The following SOX5 variants were observed in gnomAD, a reference collection of about 807,000 sequenced individuals.
SOX5 encodes the protein transcription factor SOX-5.
Under a neutral mutation model 92.0 loss-of-function variants are expected in SOX5, and 9 were observed. The observed-to-expected ratio is 0.10, with a 90% CI of 0.06 to 0.17. SOX5 has a LOEUF of 0.17. Ranked by LOEUF, SOX5 falls within the 10% of genes least tolerant of loss-of-function variation. The pLI is 1.00. For missense variants in SOX5, 642 were observed against 944.5 expected (o/e 0.68, Z 4.20); for synonymous variants, 344 against 336.3 (o/e 1.02, Z -0.25).
chr12:24,524,170 C>A (rs1180543290), intron 1 of SOX5, among the ~76,000 whole-genome samples: 2 of 152,166 alleles, frequency 1.3e-5, no homozygotes, highest in Non-Finnish European at 2.9e-5. Context: ...GATTCTCAGG[C>A]CTTTGGCCTC....
upstream of SOX5, among the ~76,000 whole-genome samples, chr12:23,950,482 A>G (rs1177977212): frequency 6.6e-6 from 1 of 152,228 alleles, no homozygotes; most frequent in Non-Finnish European, 1.5e-5. Flanking sequence ...TCTAAACTCC[A>G]TAAAACACGA....
At chr12:23,771,063 T>C (rs1247849422) in intron 3 of SOX5, among the ~76,000 whole-genome samples, 1 of 151,934 alleles carries the variant, frequency 6.6e-6, no homozygotes, top group South Asian at 2.1e-4. Context: ...TGAATCAGAT[T>C]ATTATAAATT....
At chr12:23,769,852 T>A (rs146142049) in intron 3 of SOX5, among the ~76,000 whole-genome samples, 42 of 152,260 alleles carry the variant, frequency 2.8e-4, no homozygotes, top group African/African-American at 1.0e-3. Context: ...CTCCATACAA[T>A]ATTTTATTAA....
intron 3 of SOX5, among the ~76,000 whole-genome samples, chr12:23,807,985 A>C (rs2095811425): frequency 1.3e-5 from 2 of 152,076 alleles, no homozygotes. Context: ...AGTTTGTCAT[A>C]CTTTGTTAGA....
At chr12:23,537,528 C>T (rs577462274) in intron 13 of SOX5, among the ~76,000 whole-genome samples, 5 of 152,278 alleles carry the variant, frequency 3.3e-5, no homozygotes, top group Admixed American at 1.3e-4. Context: ...ATGCGTATTA[C>T]GATTTTCTCT....
At chr12:23,878,123 C>T (rs1210603020) in intron 2 of SOX5, among the ~76,000 whole-genome samples, 1 of 151,958 alleles carries the variant, frequency 6.6e-6, no homozygotes, top group Non-Finnish European at 1.5e-5. Flanking sequence ...ACTCTTCACG[C>T]TGTTATTTTT....
intron 7 of SOX5, among the ~76,000 whole-genome samples, chr12:23,649,818 CA>C (rs2081327485): frequency 6.6e-6 from 1 of 152,032 alleles, no homozygotes; most frequent in Non-Finnish European, 1.5e-5. Context: ...CTGTATAACA[CA>C]GCCTAAGAAA....
chr12:23,730,672 A>G (rs1406195735), intron 6 of SOX5, among the ~76,000 whole-genome samples: 6 of 152,332 alleles, frequency 3.9e-5, no homozygotes, highest in African/African-American at 1.4e-4. Context: ...TTTTTAAAGA[A>G]ATAAAAATAG....
chr12:24,001,891 G>A (rs1280743896), intron 4 of SOX5, among the ~76,000 whole-genome samples: 1 of 152,172 alleles, frequency 6.6e-6, no homozygotes, highest in African/African-American at 2.4e-5. Flanking sequence ...TGGAGCCCAT[G>A]AGTTCAAAGT....
intron 1 of SOX5, among the ~76,000 whole-genome samples, chr12:23,932,554 T>G (rs1046451336): frequency 6.6e-6 from 1 of 151,672 alleles, no homozygotes; most frequent in Non-Finnish European, 1.5e-5. Context: ...TTAACTTACT[T>G]TCAAGTGAAT....
intron 4 of SOX5, among the ~76,000 whole-genome samples, chr12:24,070,794 C>T (rs1941651378): frequency 6.6e-6 from 1 of 152,046 alleles, no homozygotes; most frequent in Non-Finnish European, 1.5e-5. Context: ...CCTGCATATC[C>T]GTTTATGTAA....
At chr12:24,129,807 A>G (rs898369419) in intron 4 of SOX5, among the ~76,000 whole-genome samples, 1 of 152,218 alleles carries the variant, frequency 6.6e-6, no homozygotes, top group African/African-American at 2.4e-5. Flanking sequence ...ATATTGGGAG[A>G]AAGTTTTGAA....
intron 1 of SOX5, among the ~76,000 whole-genome samples, chr12:24,434,098 A>G (rs573742736): frequency 2.0e-5 from 3 of 152,156 alleles, no homozygotes; most frequent in African/African-American, 4.8e-5. Flanking sequence ...CACAATGTCA[A>G]ACTCAGAGAT....
intron 3 of SOX5, among the ~76,000 whole-genome samples, chr12:23,837,244 T>G (rs536529269): frequency 0.018 from 1,451 of 78,578 alleles, 48 homozygotes; most frequent in African/African-American, 0.047. Context: ...ATTTATATAA[T>G]ATATATTTAT....
intron 4 of SOX5, among the ~76,000 whole-genome samples, chr12:23,978,638 C>G (rs1949180442): frequency 6.6e-6 from 1 of 152,010 alleles, no homozygotes; most frequent in Non-Finnish European, 1.5e-5. Flanking sequence ...TATCACAAAC[C>G]AATCTAGAGC....
At chr12:24,123,052 C>G (rs951360419) in intron 4 of SOX5, among the ~76,000 whole-genome samples, 1 of 152,224 alleles carries the variant, frequency 6.6e-6, no homozygotes, top group Non-Finnish European at 1.5e-5. Context: ...TGAAGGAGAG[C>G]AGAACAGTCA....
intron 1 of SOX5, among the ~76,000 whole-genome samples, chr12:24,411,785 C>T (rs1444443794): frequency 6.6e-6 from 1 of 151,862 alleles, no homozygotes; most frequent in East Asian, 1.9e-4. Context: ...TTTTGTACTT[C>T]GTTTTAGTAT....
intron 4 of SOX5, among the ~76,000 whole-genome samples, chr12:24,073,521 C>T (rs1942078509): frequency 1.3e-5 from 2 of 152,124 alleles, no homozygotes; most frequent in African/African-American, 4.8e-5. Context: ...AAAATGGTCT[C>T]TTCATTTTCT....
intron 6 of SOX5, among the ~76,000 whole-genome samples, chr12:23,680,439 G>T (rs1289342224): frequency 6.8e-6 from 1 of 146,924 alleles, no homozygotes; most frequent in Non-Finnish European, 1.5e-5. Flanking sequence ...GAAATCCAAA[G>T]AAATGAACTA....
Sources: allele counts gnomAD v4.1 joint callset (sites outside exome capture counted in the v4.1 genomes callset), GRCh38; gene constraint gnomAD v4.1.1; transcripts MANE v1.5; gene names NCBI Gene and HGNC (gene_info 2026-07-23, HGNC 2026-07-21).